Variants in PCDHA10 observed in about 807,000 individuals in gnomAD.
The protein encoded by PCDHA10 is protocadherin alpha 10, also known as protocadherin alpha-10.
Under a neutral mutation model 61.2 loss-of-function variants are expected in PCDHA10, and 45 were observed. The observed-to-expected ratio is 0.74, with a 90% confidence interval of 0.58 to 0.94. PCDHA10 has a LOEUF of 0.94. PCDHA10 is among the 40% of genes least tolerant of loss of function. The pLI is 0.00. For missense variants in PCDHA10, 1,278 were observed against 1,236.2 expected (o/e 1.03, Z -0.51); for synonymous variants, 602 against 548.8 (o/e 1.10, Z -1.35).
chr5:140,884,440 G>C (rs1554181563), intron 1 of PCDHA10: 5 of 1,613,830 alleles, frequency 3.1e-6, no homozygotes, highest in Non-Finnish European at 2.5e-6. Context: ...TGCGGTGCTC[G>C]GCACCGCCCA....
At chr5:140,869,694 G>T (rs782372405) in intron 1 of PCDHA10, 8 of 1,613,394 alleles carry the variant, frequency 5.0e-6, no homozygotes, top group Non-Finnish European at 6.8e-6. Context: ...TTATTTTAAA[G>T]AAGTCTCTGG....
chr5:140,856,277 A>T lies in PCDHA10; in HGVS notation c.229A>T (p.Asn77Tyr). The change falls in exon 1 of 4, where the codon AAT (asparagine) becomes TAT (tyrosine). Residue 77 changes from asparagine (N) to tyrosine (Y), a missense_variant. Coordinates refer to ENST00000307360, the MANE Select transcript of PCDHA10 (RefSeq NM_018901.4). ...SKRHGDLLEV[N>Y]LQNGILFVNS... ...AAGACACGGGGACCTTCTGGAGGTA[A>T]ATCTGCAGAATGGCATTTTGTTTGT... 1.9e-6 allele frequency: 3 copies of T among 1,598,280 alleles called. No homozygotes were observed. The highest frequency in any genetic ancestry group is 2.6e-6 in the Non-Finnish European group (3 of 1,167,978).
rs781924329 is a variant in PCDHA10, at chr5:140,856,796, A to T, written c.748A>T (p.Met250Leu). 42 of 1,595,540 alleles carry T rather than the reference A, an allele frequency of 2.6e-5. 2 individuals carry two copies. The highest frequency in any genetic ancestry group is 1.8e-4 in the South Asian group (16 of 90,506). ...IFDRPVYEVK[M>L]YENQVNQTLV... is the part of the protein sequence containing the mutation. ...TGACAGACCGGTTTATGAAGTTAAG[A>T]TGTATGAAAATCAAGTGAACCAAAC... Residue 250 changes from methionine to leucine, a missense_variant, in exon 1 of 4, where the codon ATG (methionine) becomes TTG (leucine). Physicochemically the swap from Met to Leu is conservative, Grantham distance 15 (BLOSUM62 2). Transcript: ENST00000307360.
intron 1 of PCDHA10, among the ~76,000 whole-genome samples, chr5:140,920,858 A>G (rs1182817298): frequency 6.6e-6 from 1 of 151,604 alleles, no homozygotes; most frequent in Non-Finnish European, 1.5e-5. Flanking sequence ...AAAAAAAAAA[A>G]CAAACAAACT....
chr5:140,889,923 C>T (rs1225073810), intron 1 of PCDHA10, among the ~76,000 whole-genome samples: 1 of 152,184 alleles, frequency 6.6e-6, no homozygotes, highest in African/African-American at 2.4e-5. Flanking sequence ...TGTAAAGAAG[C>T]TCAAGCTGGA....
intron 1 of PCDHA10, among the ~76,000 whole-genome samples, chr5:140,951,286 T>G (rs537000082): frequency 7.9e-5 from 12 of 152,352 alleles, no homozygotes; most frequent in African/African-American, 2.6e-4. Context: ...TAATTTTGGA[T>G]TATATCTTGA....
At chr5:140,962,084 A>G (rs541325949) in intron 1 of PCDHA10, among the ~76,000 whole-genome samples, 1 of 152,028 alleles carries the variant, frequency 6.6e-6, no homozygotes, top group African/African-American at 2.4e-5. Flanking sequence ...ACGGGGTTTC[A>G]CCATGTTAGC....
chr5:140,883,421 G>A (rs1398671591), intron 1 of PCDHA10: 1 of 1,614,022 alleles, frequency 6.2e-7, no homozygotes, highest in Non-Finnish European at 8.5e-7. Flanking sequence ...AAATGGACAG[G>A]TCACCTGCAC....
intron 1 of PCDHA10, among the ~76,000 whole-genome samples, chr5:140,892,759 T>C (rs1422670120): frequency 2.0e-5 from 3 of 152,206 alleles, no homozygotes; most frequent in African/African-American, 4.8e-5. Context: ...ACATTTAAAA[T>C]CCACTCTTCT....
chr5:140,870,595 T>C, intron 1 of PCDHA10: 3 of 1,613,242 alleles, frequency 1.9e-6, no homozygotes, highest in Non-Finnish European at 2.5e-6. Flanking sequence ...GGAGCGGCGG[T>C]TGGGCGACCG....
At chr5:140,927,195 C>T in intron 1 of PCDHA10, 1 of 1,614,118 alleles carries the variant, frequency 6.2e-7, no homozygotes, top group Non-Finnish European at 8.5e-7. Flanking sequence ...ACCTGGTGCT[C>T]GAGGACCCGC....
intron 1 of PCDHA10, among the ~76,000 whole-genome samples, chr5:140,975,784 A>T (rs1216156931): frequency 1.3e-5 from 2 of 151,914 alleles, no homozygotes; most frequent in African/African-American, 4.8e-5. Flanking sequence ...CCATTACAAG[A>T]TAAATTAAAT....
chr5:140,877,162 G>T (rs782642663), intron 1 of PCDHA10: 3 of 1,613,832 alleles, frequency 1.9e-6, no homozygotes, highest in Non-Finnish European at 1.7e-6. Context: ...CAACGCGCCG[G>T]CACTGCTGGC....
intron 1 of PCDHA10, chr5:140,967,662 A>G: frequency 6.2e-7 from 1 of 1,614,192 alleles, no homozygotes; most frequent in Non-Finnish European, 8.5e-7. Context: ...TTGAGCAGCT[A>G]CACGTCGGAC....
rs536640692 is a variant in PCDHA10 at position 140,927,687 on chromosome 5, T to TG, written c.2389-51258dup. ...CCTTGGATCCAGATGAAGGGTCCAATGGGGAAGTCCAGTACTCCCTAAGCA... is the reference window on the plus strand; with the variant it reads ...CCTTGGATCCAGATGAAGGGTCCAATGGGGGAAGTCCAGTACTCCCTAAGCA... On this transcript the variant is annotated intron_variant, in intron 1 of 3. Coordinates refer to ENST00000307360, the MANE Select transcript of PCDHA10 (RefSeq NM_018901.4). The TG allele has an allele frequency of 3.2e-4, 518 of 1,614,158 alleles. 3 individuals carry two copies. In the Middle Eastern group the frequency reaches 0.011, roughly 35 times the overall value.
chr5:140,888,441 A>G (rs2061829051), intron 1 of PCDHA10, among the ~76,000 whole-genome samples: 1 of 152,222 alleles, frequency 6.6e-6, no homozygotes, highest in African/African-American at 2.4e-5. Context: ...CAGCCGCCCA[A>G]CAATAAAGAA....
At chr5:140,946,575 G>A (rs1554217641) in intron 1 of PCDHA10, among the ~76,000 whole-genome samples, 3 of 140,788 alleles carry the variant, frequency 2.1e-5, no homozygotes, top group Non-Finnish European at 4.6e-5. Flanking sequence ...ATCAACTTAG[G>A]TGTTCATAGT....
rs551685820 is a variant in PCDHA10, at chr5:140,967,997, C to G, written c.2389-10952C>G. On this transcript the variant is annotated intron_variant, in intron 1 of 3. Transcript: ENST00000307360. ...GGGTCTGGAGGCCACACTGCCTTTC[C>G]GACTGAATGGCTTTGGAAACTCCTA... is the stretch of plus-strand genomic sequence containing the variant. The G allele has an allele frequency of 4.3e-6, 7 of 1,614,220 alleles. No individual in the cohort carries two copies. In the African/African-American group the frequency reaches 6.7e-5, roughly 15 times the overall value.
chr5:140,889,639 G>A (rs1271182789), intron 1 of PCDHA10, among the ~76,000 whole-genome samples: 1 of 151,770 alleles, frequency 6.6e-6, no homozygotes, highest in Non-Finnish European at 1.5e-5. Flanking sequence ...TTTCATTTGT[G>A]TTTGCAGGAG....
Sources: allele counts gnomAD v4.1 joint callset (sites outside exome capture counted in the v4.1 genomes callset), GRCh38; gene constraint gnomAD v4.1.1; transcripts MANE v1.5; gene names NCBI Gene and HGNC (gene_info 2026-07-23, HGNC 2026-07-21).